The following NOL10 variants were observed in gnomAD, a reference collection of about 807,000 sequenced individuals.
The protein encoded by NOL10 is nucleolar protein 10.
In NOL10, 58 loss-of-function variants were observed where a neutral mutation model predicts 103.5. That is an observed-to-expected ratio of 0.56 (90% confidence interval 0.45 to 0.70). The LOEUF (loss-of-function observed/expected upper bound fraction) is 0.70, where lower values mean the gene tolerates loss of function less well. Among genes scored for constraint, NOL10 ranks in the 30% least tolerant of loss-of-function variants. NOL10 has a pLI of 0.00. For missense variants in NOL10, 763 were observed against 807.3 expected, an observed-to-expected ratio of 0.95 and a Z score of 0.67; for synonymous variants, 287 against 282.5, an observed-to-expected ratio of 1.02 and a Z score of -0.16.
In NOL10 at chr2:10,589,710, C is replaced by A; in HGVS notation, c.1464G>T (p.Met488Ile). 1 of 1,576,324 alleles carries A rather than the reference C, an allele frequency of 6.3e-7. No homozygotes were observed. Among genetic ancestry groups the A allele is most frequent in the South Asian group, 1.2e-5 (1 of 82,234 alleles). Residue 488 changes from methionine to isoleucine, a missense_variant, in exon 18 of 21, where the codon ATG becomes ATT. Transcript: ENST00000381685. ...NILTDDRFKVMFENPDFQVDE... is the reference protein window; with the variant it reads ...NILTDDRFKVIFENPDFQVDE... Reference sequence around the variant, plus strand: ...CTACTTGGAAGTCAGGGTTCTCAAACATAACTTTAAATCGATCATCGGTGA... The same window carrying A: ...CTACTTGGAAGTCAGGGTTCTCAAAAATAACTTTAAATCGATCATCGGTGA...
chr2:10,579,260 A>G (rs1674628026), intron 19 of NOL10, among the ~76,000 whole-genome samples: 1 of 152,234 alleles, frequency 6.6e-6, no homozygotes, highest in Non-Finnish European at 1.5e-5. Context: ...AGCACTTTTA[A>G]AGTACTTTTC....
At chr2:10,612,093 A>G (rs1676605159) in intron 13 of NOL10, among the ~76,000 whole-genome samples, 1 of 152,156 alleles carries the variant, frequency 6.6e-6, no homozygotes, top group South Asian at 2.1e-4. Flanking sequence ...ACTGCCCTCC[A>G]GCCTGGGCAA....
intron 7 of NOL10, 139 bp from the exon 8 acceptor site, chr2:10,667,417 T>C (rs2148334540): frequency 2.9e-6 from 2 of 682,390 alleles, no homozygotes; most frequent in South Asian, 3.5e-5. Context: ...AATCTGCAAA[T>C]GGAAAACACC....
intron 16 of NOL10, 134 bp downstream of exon 16, chr2:10,602,642 C>A: frequency 1.6e-6 from 1 of 635,382 alleles, no homozygotes. Context: ...ACAAACTATA[C>A]CAAAAATATC....
intron 12 of NOL10, among the ~76,000 whole-genome samples, chr2:10,646,706 C>T (rs960350786): frequency 1.3e-5 from 2 of 152,220 alleles, no homozygotes; most frequent in African/African-American, 4.8e-5. Context: ...ACATTCTCAG[C>T]AAGTTACCTC....
At position 10,668,743 on chromosome 2, in the gene NOL10, G is replaced by GT; in HGVS notation, c.465-21dup. 1 of 1,162,570 alleles carries GT rather than the reference G, an allele frequency of 8.6e-7. No individual in the cohort carries two copies. The highest frequency in any genetic ancestry group is 1.2e-6 in the Non-Finnish European group (1 of 829,842). The allele number at this position is 1,162,570 out of a possible 1,614,324, so 72.0% of individuals were successfully genotyped here. A position where few individuals can be genotyped will look rare whatever the true frequency, so the allele number is the denominator to read the frequency against. On this transcript the variant is annotated intron_variant, in intron 6 of 20. Transcript: ENST00000381685. The stretch of plus-strand genomic sequence containing the variant: ...TCAGAACTGTAAAGTAATAAAGAAA[G>GT]TTAAAAACCTGCTAAACTACAATGA...
At chr2:10,677,950 T>C (rs1681442139) in intron 3 of NOL10, among the ~76,000 whole-genome samples, 1 of 128,458 alleles carries the variant, frequency 7.8e-6, no homozygotes, top group African/African-American at 2.7e-5. Flanking sequence ...TATACACACA[T>C]AATTTTATGT....
chr2:10,637,306 A>C (rs1376888250), intron 13 of NOL10, among the ~76,000 whole-genome samples: 1 of 152,182 alleles, frequency 6.6e-6, no homozygotes, highest in African/African-American at 2.4e-5. Flanking sequence ...GAGCAAGAAA[A>C]AAATCTGCCA....
chr2:10,578,469 T>A (rs73165945), intron 19 of NOL10, among the ~76,000 whole-genome samples: 60 of 152,328 alleles, frequency 3.9e-4, no homozygotes, highest in African/African-American at 1.1e-3. Context: ...CAAATTTAAA[T>A]CTCATTTCAT....
At chr2:10,671,481 G>T in intron 6 of NOL10, 73 bp downstream of exon 6, 25 of 1,174,526 alleles carry the variant, frequency 2.1e-5, no homozygotes, top group East Asian at 9.7e-5. Flanking sequence ...CAGAGAAAAT[G>T]TACACGAAAT....
At chr2:10,672,049 C>T (rs184248129) in intron 5 of NOL10, among the ~76,000 whole-genome samples, 20 of 152,216 alleles carry the variant, frequency 1.3e-4, no homozygotes, top group Admixed American at 4.6e-4. Context: ...TAATCCTGGC[C>T]GGGCATGGTG....
chr2:10,648,969 A>G (rs1390708508), intron 12 of NOL10, among the ~76,000 whole-genome samples: 1 of 152,158 alleles, frequency 6.6e-6, no homozygotes, highest in Non-Finnish European at 1.5e-5. Context: ...AAACAAACAA[A>G]AAAACCACAC....
At position 10,671,556 on chromosome 2, in the gene NOL10, T is replaced by C; in HGVS notation, c.462A>G (p.Ala154=). 6.2e-7 allele frequency: 1 copy of C among 1,604,292 alleles called. No homozygotes were observed. The highest frequency in any genetic ancestry group is 1.1e-5 in the South Asian group (1 of 88,380). The change falls in exon 6 of 21, where the codon GCA becomes GCG. Residue 154 remains alanine (A), a splice_region_variant and synonymous_variant. Transcript: ENST00000381685. Reference sequence around the variant, plus strand: ...GAAAAAGGGACTGGATCCAATACCTTGCACCAACAAAGTACAAGTCACAGG... The same window carrying C: ...GAAAAAGGGACTGGATCCAATACCTCGCACCAACAAAGTACAAGTCACAGG... ...YPSCDLYFVG[A]SSEVYRLNLE... is the part of the protein sequence containing the mutation.
intron 17 of NOL10, among the ~76,000 whole-genome samples, chr2:10,593,242 G>A (rs965752638): frequency 6.6e-6 from 1 of 151,790 alleles, no homozygotes; most frequent in Non-Finnish European, 1.5e-5. Context: ...GGGTTCAAGC[G>A]ATTCTCCTGC....
intron 14 of NOL10, chr2:10,604,666 TG>T (rs1352759892): frequency 1.3e-5 from 2 of 152,240 alleles, no homozygotes; most frequent in Admixed American, 6.5e-5. Context: ...AGTAATTTTT[TG>T]TTTCCTTTAT....
chr2:10,571,751 C>T lies in NOL10; in HGVS notation c.*320G>A. On this transcript the variant is annotated 3_prime_UTR_variant, in exon 21 of 21. Coordinates refer to ENST00000381685, the MANE Select transcript of NOL10 (RefSeq NM_024894.4). The stretch of plus-strand genomic sequence containing the variant: ...ACCTTGGTTTCTGGCACAGGATAAA[C>T]CTTTCATTTCATGGTGTACATTTCA... The T allele has an allele frequency of 5.0e-6, 1 of 201,778 alleles. No homozygotes were observed. The highest frequency in any genetic ancestry group is 9.9e-6 in the Non-Finnish European group (1 of 101,306). The allele number at this position is 201,778 out of a possible 1,614,324, so 12.5% of individuals were successfully genotyped here. A position where few individuals can be genotyped will look rare whatever the true frequency, so the allele number is the denominator to read the frequency against.
At chr2:10,667,720 C>CG (rs1308020015) in intron 7 of NOL10, among the ~76,000 whole-genome samples, 1 of 152,068 alleles carries the variant, frequency 6.6e-6, no homozygotes, top group Non-Finnish European at 1.5e-5. Flanking sequence ...TCACCTACCT[C>CG]GGGGGGTTGT....
intron 19 of NOL10, among the ~76,000 whole-genome samples, chr2:10,578,208 G>A (rs935474974): frequency 6.6e-6 from 1 of 152,162 alleles, no homozygotes; most frequent in Non-Finnish European, 1.5e-5. Flanking sequence ...AAGTCCTCCA[G>A]GTCAAGCCAC....
intron 13 of NOL10, among the ~76,000 whole-genome samples, chr2:10,625,999 C>T (rs754040604): frequency 6.6e-6 from 1 of 150,886 alleles, no homozygotes; most frequent in Non-Finnish European, 1.5e-5. Flanking sequence ...CAGAGTGAAA[C>T]CCTGTCTCTA....
Sources: gnomAD v4.1 joint callset for allele counts (sites outside exome capture counted in the v4.1 genomes callset) on GRCh38, gnomAD v4.1.1 for gene constraint, MANE v1.5 for transcripts, NCBI Gene and HGNC (gene_info 2026-07-23, HGNC 2026-07-21) for gene names.